The following TBP variants were observed in gnomAD, a reference collection of about 807,000 sequenced individuals.
TBP encodes TATA-box-binding protein.
A neutral mutation model predicts 46.2 loss-of-function variants in TBP; 12 were observed. The observed-to-expected ratio is 0.26, with a 90% CI of 0.17 to 0.42. TBP has a LOEUF of 0.42. TBP is among the 10% of genes least tolerant of loss of function. TBP has a pLI of 1.00. For missense variants in TBP, 229 were observed against 403.1 expected, an observed-to-expected ratio of 0.57 and a Z score of 3.70; for synonymous variants, 157 against 148.3, an observed-to-expected ratio of 1.06 and a Z score of -0.42.
chr6:170,569,831 TA>T, intron 6 of TBP, 52 bp downstream of exon 6: 1 of 1,536,382 alleles, frequency 6.5e-7, no homozygotes. Context: ...ATTTATAATC[TA>T]AACATTGTTC....
At chr6:170,564,514 T>A in intron 3 of TBP, 31 bp from the exon 4 acceptor site, 1 of 1,456,442 alleles carries the variant, frequency 6.9e-7, no homozygotes, top group South Asian at 1.2e-5. Context: ...GTAATTTAAA[T>A]AGTCGTGTTT....
At position 170,556,969 on chromosome 6, in the gene TBP, T is replaced by G; in HGVS notation, c.-61T>G. 1 of 1,555,804 alleles carries G rather than the reference T, an allele frequency of 6.4e-7. No individual in the cohort carries two copies. The highest frequency in any genetic ancestry group is 8.9e-7 in the Non-Finnish European group (1 of 1,129,328). On this transcript the variant is annotated 5_prime_UTR_variant, in exon 2 of 8. In the 5' UTR this introduces an upstream ATG that the reference lacks. Coordinates refer to ENST00000392092, the MANE Select transcript of TBP (RefSeq NM_003194.5). ...TGCTGGAGATGCTCTAGGAAAAAAT[T>G]GAATAGTGAGACGAGTTCCAGCGCA...
intron 3 of TBP, among the ~76,000 whole-genome samples, chr6:170,562,839 A>G (rs1397703868): frequency 2.0e-5 from 3 of 152,238 alleles, no homozygotes; most frequent in Non-Finnish European, 4.4e-5. Context: ...TAAGAAGTGT[A>G]TAGCTTTTCA....
intron 3 of TBP, 100 bp from the exon 4 acceptor site, chr6:170,564,445 C>G: frequency 1.3e-6 from 1 of 756,834 alleles, no homozygotes; most frequent in Non-Finnish European, 2.1e-6. Context: ...AAAAGTAAAG[C>G]CTGGTTGAAA....
intron 2 of TBP, 88 bp downstream of exon 2, chr6:170,557,171 T>G: frequency 7.7e-7 from 1 of 1,295,264 alleles, no homozygotes; most frequent in East Asian, 2.3e-5. Flanking sequence ...CATTTAATGA[T>G]CTGTTTTTGA....
intron 4 of TBP, 128 bp from the exon 5 acceptor site, chr6:170,566,790 A>ATTTTTG (rs1779258590): frequency 1.6e-6 from 1 of 638,162 alleles, no homozygotes; most frequent in Non-Finnish European, 2.8e-6. Flanking sequence ...ATACAGAACA[A>ATTTTTG]ATATTTTGAT....
intron 5 of TBP, among the ~76,000 whole-genome samples, chr6:170,568,939 A>G (rs1231339560): frequency 6.8e-6 from 1 of 147,748 alleles, no homozygotes; most frequent in African/African-American, 2.5e-5. Flanking sequence ...CAGCCTCCCA[A>G]GTAGCTGGGA....
chr6:170,571,861 GAGA>G (rs761628248), intron 7 of TBP, among the ~76,000 whole-genome samples: 13 of 152,054 alleles, frequency 8.5e-5, no homozygotes, highest in East Asian at 3.9e-4. Context: ...CAGCAATTCA[GAGA>G]AGAAGATTCA....
intron 1 of TBP, among the ~76,000 whole-genome samples, chr6:170,555,593 G>A (rs967881932): frequency 2.0e-5 from 3 of 152,070 alleles, no homozygotes; most frequent in African/African-American, 7.3e-5. Flanking sequence ...TACTCACCTT[G>A]TGAGACCCAA....
chr6:170,571,547 T>G lies in TBP; in HGVS notation c.940+43T>G, dbSNP rs149397770. ...GTAGTATCTGAAAGTTTGTAAGTGT[T>G]TTGAGTATGGCATTTTCTCAGTGCT... On this transcript the variant is annotated intron_variant, in intron 7 of 7. Transcript: ENST00000392092. 1.3e-4 allele frequency: 196 copies of G among 1,452,158 alleles called. 1 individual carries two copies. In the East Asian group the frequency reaches 4.3e-3, roughly 32 times the overall value. The allele number at this position is 1,452,158 out of a possible 1,614,324, so 90.0% of individuals were successfully genotyped here.
intron 2 of TBP, among the ~76,000 whole-genome samples, chr6:170,561,271 C>T (rs563352089): frequency 1.3e-5 from 2 of 152,296 alleles, no homozygotes; most frequent in African/African-American, 4.8e-5. Flanking sequence ...CTTTTGTAGG[C>T]ACTGGGAAAC....
chr6:170,569,305 A>G (rs143618719), intron 5 of TBP, among the ~76,000 whole-genome samples: 4 of 152,366 alleles, frequency 2.6e-5, no homozygotes, highest in African/African-American at 4.8e-5. Flanking sequence ...CTCAGTAGAA[A>G]TGCATGGGCT....
intron 2 of TBP, 34 bp downstream of exon 2, chr6:170,557,117 G>C: frequency 6.3e-7 from 1 of 1,591,674 alleles, no homozygotes; most frequent in South Asian, 1.1e-5. Context: ...TAGGGAGGGC[G>C]GAAATCTGAA....
chr6:170,557,206 C>A, intron 2 of TBP, 123 bp downstream of exon 2: 2 of 927,528 alleles, frequency 2.2e-6, no homozygotes, highest in Non-Finnish European at 3.3e-6. Context: ...GTTTTTTAAG[C>A]CTTATTTTGT....
chr6:170,562,153 T>C lies in TBP; in HGVS notation c.417T>C (p.Tyr139=), dbSNP rs201290934. Residue 139 remains tyrosine, a synonymous_variant, in exon 3 of 8, where the codon TAT becomes TAC. Coordinates refer to ENST00000392092, the MANE Select transcript of TBP (RefSeq NM_003194.5). ...CCTTGCCGGGCACCACTCCACTGTATCCCTCCCCCATGACTCCCATGACCC... is the reference window on the plus strand; with the variant it reads ...CCTTGCCGGGCACCACTCCACTGTACCCCTCCCCCATGACTCCCATGACCC... The part of the protein sequence containing the change: ...TAPLPGTTPL[Y]PSPMTPMTPI... The C allele has an allele frequency of 4.3e-6, 7 of 1,613,974 alleles. No individual in the cohort carries two copies. In the East Asian group the frequency reaches 1.6e-4, roughly 36 times the overall value.
chr6:170,569,903 T>C, intron 6 of TBP, 124 bp downstream of exon 6: 1 of 901,838 alleles, frequency 1.1e-6, no homozygotes, highest in Non-Finnish European at 1.6e-6. Context: ...TATAGTTGTA[T>C]GTATTCTTGC....
chr6:170,562,828 A>G (rs1448472203), intron 3 of TBP, among the ~76,000 whole-genome samples: 1 of 152,238 alleles, frequency 6.6e-6, no homozygotes, highest in East Asian at 1.9e-4. Flanking sequence ...ATTCCAGTCA[A>G]TAAGAAGTGT....
intron 4 of TBP, among the ~76,000 whole-genome samples, chr6:170,566,618 A>G (rs138359819): frequency 1.3e-5 from 2 of 152,362 alleles, no homozygotes; most frequent in East Asian, 3.9e-4. Flanking sequence ...GTATTTATTG[A>G]GAACATAACC....
Position 170,572,177 on chromosome 6 carries a change from T to A in TBP, c.941-9T>A. ...AGTCTCTCATCTCTACTCCAACTTGTCTTCTTAGGTGCTAAAGTCAGAGCA... is the reference window on the plus strand; with the variant it reads ...AGTCTCTCATCTCTACTCCAACTTGACTTCTTAGGTGCTAAAGTCAGAGCA... On this transcript the variant is annotated splice_polypyrimidine_tract_variant and intron_variant, in intron 7 of 7. Coordinates refer to ENST00000392092, the MANE Select transcript of TBP (RefSeq NM_003194.5). 1 of 1,610,562 alleles carries A rather than the reference T, an allele frequency of 6.2e-7. No homozygotes were observed. The highest frequency in any genetic ancestry group is 8.5e-7 in the Non-Finnish European group (1 of 1,176,822).
Sources: allele counts gnomAD v4.1 joint callset (sites outside exome capture counted in the v4.1 genomes callset), GRCh38; gene constraint gnomAD v4.1.1; transcripts MANE v1.5; gene names NCBI Gene and HGNC (gene_info 2026-07-23, HGNC 2026-07-21).